The following CCDC144A variants were observed in gnomAD, a reference collection of about 807,000 sequenced individuals.
The protein encoded by CCDC144A is coiled-coil domain-containing protein 144A.
Under a neutral mutation model 143.8 loss-of-function variants are expected in CCDC144A, and 41 were observed. The ratio of observed to expected loss-of-function variants is 0.29; its 90% confidence interval spans 0.22 to 0.37. The LOEUF is 0.37. Among genes scored for constraint, CCDC144A ranks in the 10% least tolerant of loss-of-function variants. The pLI, the probability that CCDC144A is intolerant of heterozygous loss-of-function variation, is 1.00. For missense variants in CCDC144A, 637 were observed against 1,488.8 expected (o/e 0.43, Z 9.41); for synonymous variants, 242 against 517.9 (o/e 0.47, Z 7.23).
At chr17:16,713,518 T>C (rs1912566620) in intron 6 of CCDC144A, among the ~76,000 whole-genome samples, 1 of 152,246 alleles carries the variant, frequency 6.6e-6, no homozygotes, top group African/African-American at 2.4e-5. Flanking sequence ...GACTATTACT[T>C]TGTATATTTG....
chr17:16,698,699 A>G (rs2928647), intron 2 of CCDC144A, among the ~76,000 whole-genome samples: 2 of 152,200 alleles, frequency 1.3e-5, no homozygotes, highest in African/African-American at 4.8e-5. Context: ...ACATCTGACA[A>G]CAACAACTGG....
At chr17:16,751,042 C>G (rs1914765263) in intron 12 of CCDC144A, among the ~76,000 whole-genome samples, 1 of 152,152 alleles carries the variant, frequency 6.6e-6, no homozygotes, top group Non-Finnish European at 1.5e-5. Context: ...ACACTTTAAT[C>G]TGGTGAGAAT....
chr17:16,711,245 C>T (rs886257946), intron 5 of CCDC144A, among the ~76,000 whole-genome samples: 5 of 150,124 alleles, frequency 3.3e-5, no homozygotes, highest in African/African-American at 1.2e-4. Context: ...GTTGTATCCT[C>T]TCAATCTGGC....
At chr17:16,729,324 A>T (rs1321191179) in intron 9 of CCDC144A, among the ~76,000 whole-genome samples, 1 of 151,976 alleles carries the variant, frequency 6.6e-6, no homozygotes, top group African/African-American at 2.4e-5. Flanking sequence ...TTTAGTTTGT[A>T]TTTCCGTGAA....
chr17:16,689,988 C>A (rs942423795), upstream of CCDC144A: 2 of 156,444 alleles, frequency 1.3e-5, no homozygotes, highest in Non-Finnish European at 2.8e-5. Context: ...GGAGGACCAG[C>A]CAGCCCAGGT....
At chr17:16,684,678 T>A (rs547071921), upstream of CCDC144A, among the ~76,000 whole-genome samples, 159 of 149,936 alleles carry the variant, frequency 1.1e-3, no homozygotes, top group Non-Finnish European at 1.5e-3. Flanking sequence ...AAAAAAAAAA[T>A]TTGAGACTGG....
intron 1 of CCDC144A, among the ~76,000 whole-genome samples, chr17:16,691,271 G>A (rs139839365): frequency 6.6e-6 from 1 of 152,138 alleles, no homozygotes; most frequent in Non-Finnish European, 1.5e-5. Flanking sequence ...TAATGTTGCA[G>A]AAAGAGAGGA....
At chr17:16,678,584 T>C in the CCDC144A span, among the ~76,000 whole-genome samples, 1 of 133,900 alleles carries the variant, frequency 7.5e-6, no homozygotes, top group African/African-American at 3.0e-5. Context: ...CTTTTTCTTT[T>C]CTTTTTTTTT....
chr17:16,719,940 C>A (rs1912991678), intron 6 of CCDC144A, among the ~76,000 whole-genome samples: 1 of 151,944 alleles, frequency 6.6e-6, no homozygotes, highest in East Asian at 1.9e-4. Flanking sequence ...GAAATCTTGA[C>A]CTAAATTTAA....
At chr17:16,713,239 A>T (rs946454362) in intron 6 of CCDC144A, among the ~76,000 whole-genome samples, 2 of 151,680 alleles carry the variant, frequency 1.3e-5, no homozygotes, top group African/African-American at 4.9e-5. Context: ...TTCCTTATGA[A>T]AACAGGCAGT....
chr17:16,710,396 A>T (rs200043562), intron 5 of CCDC144A: 292 of 152,490 alleles, frequency 1.9e-3, no homozygotes, highest in African/African-American at 6.1e-3. Flanking sequence ...AAGAAAAAAG[A>T]AGTATCCAGC....
intron 6 of CCDC144A, among the ~76,000 whole-genome samples, chr17:16,714,383 T>C (rs892450334): frequency 6.6e-6 from 1 of 152,216 alleles, no homozygotes; most frequent in African/African-American, 2.4e-5. Context: ...AGGTCCAAGA[T>C]TGGGGTACCG....
At chr17:16,749,843 G>A (rs559569415) in intron 12 of CCDC144A, among the ~76,000 whole-genome samples, 1 of 152,150 alleles carries the variant, frequency 6.6e-6, no homozygotes, top group Non-Finnish European at 1.5e-5. Flanking sequence ...ATTGTGTAAT[G>A]CCCTTCTTCA....
chr17:16,730,106 C>T (rs1328797981), intron 9 of CCDC144A, among the ~76,000 whole-genome samples: 14 of 130,898 alleles, frequency 1.1e-4, no homozygotes, highest in African/African-American at 3.9e-4. Context: ...CCCAAAGTAC[C>T]GGGATTACAG....
rs140075904 is a variant in CCDC144A, at chr17:16,761,259, G to A, written c.3373-166G>A. Among the ~76,000 whole-genome samples the A allele has an allele frequency of 5.8e-3, 875 of 152,028 alleles. 6 individuals carry two copies. The highest frequency in any genetic ancestry group is 0.02 in the African/African-American group (829 of 41,422). Reference sequence around the variant, plus strand: ...CTACGCAGGAGAATGGCCTGAACCCGGGAGGCAGAGCTTGTAGTGAGCCGA... The same window carrying A: ...CTACGCAGGAGAATGGCCTGAACCCAGGAGGCAGAGCTTGTAGTGAGCCGA... On this transcript the variant is annotated intron_variant, in intron 12 of 16. Transcript: ENST00000399273.
At chr17:16,757,622 G>T (rs1236296423) in intron 12 of CCDC144A, among the ~76,000 whole-genome samples, 1 of 152,226 alleles carries the variant, frequency 6.6e-6, no homozygotes, top group Non-Finnish European at 1.5e-5. Context: ...GCCACCCCTG[G>T]TGGGCTTGAC....
chr17:16,743,260 T>C, intron 12 of CCDC144A, among the ~76,000 whole-genome samples: 1 of 151,814 alleles, frequency 6.6e-6, no homozygotes, highest in East Asian at 1.9e-4. Context: ...GAGTTGATTT[T>C]TGTATATGGT....
chr17:16,711,513 T>G (rs543902037), intron 5 of CCDC144A, among the ~76,000 whole-genome samples, 166 bp from the exon 6 acceptor site: 3 of 152,252 alleles, frequency 2.0e-5, no homozygotes, highest in African/African-American at 7.2e-5. Flanking sequence ...AATTATATGA[T>G]GATAGTTCCA....
At position 16,711,661 on chromosome 17, in the gene CCDC144A, A is replaced by T. The variant is rs1450648631; in HGVS notation, c.1579-18A>T. 2.0e-5 allele frequency: 32 copies of T among 1,609,926 alleles called. 1 individual carries two copies. The South Asian group carries it at 3.5e-4, about 18-fold the overall frequency. On this transcript the variant is annotated intron_variant, in intron 5 of 16. Coordinates refer to ENST00000399273, the MANE Select transcript of CCDC144A (RefSeq NM_001382000.1). The stretch of plus-strand genomic sequence containing the variant: ...TAAAGCAATAACAATCATCCTGAAC[A>T]TCAAACTCTCACTCAAGGTTGAAGA...
Sources: allele counts gnomAD v4.1 joint callset (sites outside exome capture counted in the v4.1 genomes callset), GRCh38; gene constraint gnomAD v4.1.1; transcripts MANE v1.5; gene names NCBI Gene and HGNC (gene_info 2026-07-23, HGNC 2026-07-21).